The following MYH7B variants were observed in gnomAD, a reference collection of about 807,000 sequenced individuals.
MYH7B encodes the protein myosin heavy chain 7B, also known as myosin-7B.
In MYH7B, 205 loss-of-function variants were observed where a neutral mutation model predicts 234.5. The ratio of observed to expected loss-of-function variants is 0.87; its 90% CI spans 0.78 to 0.98. The LOEUF is 0.98. Among genes scored for constraint, MYH7B ranks in the 50% least tolerant of loss-of-function variants. The probability of loss-of-function intolerance (pLI) is 0.00; values close to 1 mark genes in which losing one functional copy is unlikely to be tolerated. For missense variants in MYH7B, 2,652 were observed against 2,633.4 expected, an observed-to-expected ratio of 1.01 and a Z score of -0.15; for synonymous variants, 1,193 against 1,105.0, an observed-to-expected ratio of 1.08 and a Z score of -1.58.
At chr20:34,982,864 T>C (rs538631689) in intron 10 of MYH7B, among the ~76,000 whole-genome samples, 10 of 152,248 alleles carry the variant, frequency 6.6e-5, no homozygotes, top group Non-Finnish European at 1.5e-4. Flanking sequence ...AAGAGTTTAC[T>C]AGATGGGCTG....
chr20:34,982,204 T>C (rs7269138), intron 9 of MYH7B, among the ~76,000 whole-genome samples: 23,519 of 152,046 alleles, frequency 0.15, 2,506 homozygotes, highest in African/African-American at 0.3. Context: ...TTTTCTGAGC[T>C]GTAACTGAGC....
At chr20:34,990,772 C>A in exon 23 of MYH7B, 1 of 1,614,170 alleles carries the variant, frequency 6.2e-7, no homozygotes, top group Non-Finnish European at 8.5e-7. Flanking sequence ...AACCTGCGGG[C>A]CACACAGCCC....
rs578105332 is a variant in MYH7B, at chr20:34,990,998, G to A, written c.2066-6G>A. The A allele has an allele frequency of 2.9e-5, 47 of 1,609,438 alleles. No individual in the cohort carries two copies. Among genetic ancestry groups the A allele is most frequent in the South Asian group, 8.8e-5 (8 of 90,594 alleles). ...GACCTCTGACCTTTTCCCCTCTCACGTCCAGGGGTCATGGATGCCTTCTTG... is the reference window on the plus strand; with the variant it reads ...GACCTCTGACCTTTTCCCCTCTCACATCCAGGGGTCATGGATGCCTTCTTG... On this transcript the variant is annotated splice_region_variant and splice_polypyrimidine_tract_variant and intron_variant, in intron 23 of 44. Transcript: ENST00000262873.
intron 2 of MYH7B, among the ~76,000 whole-genome samples, chr20:34,964,149 C>T (rs997323264): frequency 1.4e-4 from 22 of 151,988 alleles, no homozygotes; most frequent in African/African-American, 5.3e-4. Flanking sequence ...AAGTTTCTTT[C>T]CCAAATGGTT....
chr20:34,962,761 G>C (rs919713590), intron 2 of MYH7B, among the ~76,000 whole-genome samples: 1 of 152,146 alleles, frequency 6.6e-6, no homozygotes, highest in Non-Finnish European at 1.5e-5. Context: ...CCAAGTAGCT[G>C]AGACTACAAG....
At chr20:34,985,244 A>AC in intron 13 of MYH7B, 115 bp downstream of exon 13, 1 of 963,844 alleles carries the variant, frequency 1.0e-6, no homozygotes, top group Non-Finnish European at 1.6e-6. Flanking sequence ...ACTTCTCTCT[A>AC]CCCCCTGGCT....
At chr20:34,963,163 A>C (rs534365584) in intron 2 of MYH7B, among the ~76,000 whole-genome samples, 1 of 152,372 alleles carries the variant, frequency 6.6e-6, no homozygotes, top group African/African-American at 2.4e-5. Flanking sequence ...AATGACAAGG[A>C]AAAAAGTCTG....
chr20:34,991,037 T>C, exon 24 of MYH7B: 1 of 1,613,794 alleles, frequency 6.2e-7, no homozygotes, highest in South Asian at 1.1e-5. Context: ...CTACACCAGC[T>C]GCGCTGCAAT....
At position 34,987,164 on chromosome 20, in the gene MYH7B, C is replaced by T. The variant is rs754962769; in HGVS notation, c.1024C>T (p.Leu342=). The change falls in exon 16 of 45, where the codon CTA becomes TTA. Residue 342 remains leucine (L), a synonymous_variant. Transcript: ENST00000262873. Reference sequence around the variant, plus strand: ...TGCCCCCCAGCATGCCATGGACATCCTAGGCTTCAGCGTGGATGAGAAATG... The same window carrying T: ...TGCCCCCCAGCATGCCATGGACATCTTAGGCTTCAGCGTGGATGAGAAATG... 12 of 1,613,440 alleles carry T rather than the reference C, an allele frequency of 7.4e-6. No homozygotes were observed. In the Admixed American group the frequency reaches 1.8e-4, roughly 25 times the overall value.
chr20:34,964,318 G>GT (rs1159815899), intron 2 of MYH7B, among the ~76,000 whole-genome samples: 2 of 152,118 alleles, frequency 1.3e-5, no homozygotes, highest in African/African-American at 4.8e-5. Context: ...TTGTTTTTCA[G>GT]TAAGTGTTTA....
intron 2 of MYH7B, among the ~76,000 whole-genome samples, chr20:34,970,658 AGCCTGGGCACTGG>A (rs2081784566): frequency 1.3e-5 from 2 of 152,362 alleles, no homozygotes; most frequent in Admixed American, 6.5e-5. Context: ...CACTTGTCCC[AGCCTGGGCACTGG>A]GCCTGAGCAT....
chr20:34,990,302 C>G, exon 22 of MYH7B: 1 of 1,614,186 alleles, frequency 6.2e-7, no homozygotes, highest in Non-Finnish European at 8.5e-7. Context: ...GGTGTCCCAG[C>G]TGCACAAGGT....
chr20:35,000,938 G>A, intron 40 of MYH7B, 45 bp downstream of exon 40: 1 of 1,611,566 alleles, frequency 6.2e-7, no homozygotes, highest in African/African-American at 1.3e-5. Context: ...CAGAATTGCA[G>A]AGGGACTTCC....
exon 18 of MYH7B, chr20:34,987,883 T>G (rs777801724): frequency 8.7e-6 from 14 of 1,609,480 alleles, no homozygotes; most frequent in Non-Finnish European, 1.1e-5. Context: ...TTCATCGGGG[T>G]TCTGGACATC....
At chr20:34,998,743 G>T in exon 35 of MYH7B, 1 of 1,612,198 alleles carries the variant, frequency 6.2e-7, no homozygotes, top group South Asian at 1.1e-5. Flanking sequence ...GGCCCACGCC[G>T]TGCAGGCTCT....
At chr20:34,992,863 C>T (rs971707871) in intron 24 of MYH7B, among the ~76,000 whole-genome samples, 1 of 152,206 alleles carries the variant, frequency 6.6e-6, no homozygotes, top group Non-Finnish European at 1.5e-5. Context: ...AGCCACCGCA[C>T]CCAGCCAACC....
chr20:34,968,517 C>T (rs1420737978), intron 2 of MYH7B, among the ~76,000 whole-genome samples: 1 of 152,250 alleles, frequency 6.6e-6, no homozygotes, highest in Non-Finnish European at 1.5e-5. Context: ...TTCTTCCATC[C>T]TCCAGGCTGG....
intron 2 of MYH7B, among the ~76,000 whole-genome samples, chr20:34,959,030 C>T (rs1305889156): frequency 6.6e-6 from 1 of 152,212 alleles, no homozygotes. Context: ...TCACAAATTA[C>T]CTCATTTAAT....
chr20:35,001,392 C>T, intron 42 of MYH7B, 39 bp from the exon 43 acceptor site: 2 of 1,594,702 alleles, frequency 1.3e-6, no homozygotes, highest in Non-Finnish European at 1.7e-6. Context: ...TGGAGCTGGC[C>T]CAGCCCAAGC....
Sources: gnomAD v4.1 joint callset for allele counts (sites outside exome capture counted in the v4.1 genomes callset) on GRCh38, gnomAD v4.1.1 for gene constraint, MANE v1.5 for transcripts, NCBI Gene and HGNC (gene_info 2026-07-23, HGNC 2026-07-21) for gene names.